PCDH7: variants seen among roughly 807,000 people sequenced by gnomAD.
PCDH7 encodes the protein protocadherin 7.
PCDH7 carries 17 observed loss-of-function variants against 58.9 expected under a neutral mutation model. The ratio of observed to expected loss-of-function variants is 0.29; its 90% CI spans 0.20 to 0.43. PCDH7 has a LOEUF of 0.43. Among genes scored for constraint, PCDH7 ranks in the 20% least tolerant of loss-of-function variants. PCDH7 has a pLI of 1.00. For synonymous variants in PCDH7, 664 were observed against 616.4 expected (o/e 1.08, Z -1.14); for missense variants, 1,274 against 1,441.0 (o/e 0.88, Z 1.88).
At chr4:30,815,305 G>T (rs188426149) in intron 1 of PCDH7, among the ~76,000 whole-genome samples, 8 of 152,154 alleles carry the variant, frequency 5.3e-5, no homozygotes, top group Admixed American at 4.6e-4. Context: ...GGCAGAAATA[G>T]ATTTAAGGCA....
At chr4:31,136,167 C>G (rs1389145439) in intron 3 of PCDH7, among the ~76,000 whole-genome samples, 3 of 152,202 alleles carry the variant, frequency 2.0e-5, no homozygotes, top group Non-Finnish European at 4.4e-5. Flanking sequence ...TGGAAGACTT[C>G]AGAGAGGAAA....
At chr4:30,949,421 C>T (rs1747099227) in intron 2 of PCDH7, among the ~76,000 whole-genome samples, 1 of 152,038 alleles carries the variant, frequency 6.6e-6, no homozygotes. Context: ...AAATAATTTA[C>T]TGCCATCAAC....
chr4:30,849,065 T>C (rs1484415900), intron 1 of PCDH7, among the ~76,000 whole-genome samples: 1 of 152,168 alleles, frequency 6.6e-6, no homozygotes, highest in Non-Finnish European at 1.5e-5. Context: ...CCATTCTAAC[T>C]AAACACATTC....
intron 1 of PCDH7, among the ~76,000 whole-genome samples, chr4:30,875,185 C>A (rs1033327447): frequency 6.6e-6 from 1 of 152,088 alleles, no homozygotes; most frequent in Non-Finnish European, 1.5e-5. Context: ...CAGGAAGGAG[C>A]TGTTCCGAAC....
intron 3 of PCDH7, among the ~76,000 whole-genome samples, chr4:30,976,242 C>A: frequency 6.6e-6 from 1 of 152,024 alleles, no homozygotes; most frequent in East Asian, 1.9e-4. Flanking sequence ...CTAACTCCAC[C>A]CACCACACCT....
At chr4:31,126,513 G>A (rs568310809) in intron 3 of PCDH7, among the ~76,000 whole-genome samples, 1 of 152,128 alleles carries the variant, frequency 6.6e-6, no homozygotes, top group Admixed American at 6.6e-5. Flanking sequence ...TACTACAATA[G>A]TGGGACTCAT....
chr4:30,889,278 C>T (rs1738287313), intron 1 of PCDH7, among the ~76,000 whole-genome samples: 2 of 151,624 alleles, frequency 1.3e-5, no homozygotes, highest in South Asian at 4.2e-4. Flanking sequence ...TAACTGCAGG[C>T]AGTTAACTAT....
At chr4:30,835,363 G>A (rs2109333973) in intron 1 of PCDH7, among the ~76,000 whole-genome samples, 1 of 152,256 alleles carries the variant, frequency 6.6e-6, no homozygotes, top group Non-Finnish European at 1.5e-5. Context: ...TCACAGGAGT[G>A]TGAAACCTAT....
rs1283186218 is a variant in PCDH7, at chr4:30,722,302, C to A, written c.880C>A (p.Leu294Ile). ...CCCGCCTCGCTCCTCGCAGGCCATC[C>A]TACGGGTCCTCATCACCGACGTGAA... The change falls in exon 1 of 2, where the codon CTA becomes ATA. Residue 294 changes from leucine (L) to isoleucine (I), a missense_variant. Leu to Ile is a conservative substitution (Grantham distance 5). This residue lies in a region of PCDH7 where 331 missense variants were observed against 303.2 expected (regional missense o/e 1.09). Coordinates refer to ENST00000361762, the Ensembl canonical transcript of PCDH7. The surrounding 1 kb of genome is among the most constrained non-coding windows in gnomAD (Gnocchi z 7.6). 6.2e-6 allele frequency: 10 copies of A among 1,607,844 alleles called. No homozygotes were observed. Among genetic ancestry groups the A allele is most frequent in the Non-Finnish European group, 8.5e-6 (10 of 1,178,062 alleles).
intron 3 of PCDH7, among the ~76,000 whole-genome samples, chr4:31,004,321 A>C (rs1169319810): frequency 6.6e-6 from 1 of 152,206 alleles, no homozygotes. Flanking sequence ...CCATACACAC[A>C]TGATAGCTCA....
intron 1 of PCDH7, among the ~76,000 whole-genome samples, chr4:30,916,453 T>C (rs751394308): frequency 1.3e-5 from 2 of 152,222 alleles, no homozygotes; most frequent in Non-Finnish European, 2.9e-5. Flanking sequence ...ATAATTTTCT[T>C]TAAGATCTCT....
downstream of PCDH7, among the ~76,000 whole-genome samples, chr4:30,736,745 C>T (rs1377795116): frequency 2.0e-5 from 3 of 151,828 alleles, no homozygotes; most frequent in Non-Finnish European, 2.9e-5. Context: ...ACCGTGTCAG[C>T]CAGGATGGTC....
intron 3 of PCDH7, among the ~76,000 whole-genome samples, chr4:31,108,708 A>G (rs551436211): frequency 6.6e-6 from 1 of 152,330 alleles, no homozygotes; most frequent in Non-Finnish European, 1.5e-5. Context: ...CATTGTAGAT[A>G]CATAACATAT....
chr4:30,811,979 T>G (rs1727084114), intron 1 of PCDH7, among the ~76,000 whole-genome samples: 1 of 152,194 alleles, frequency 6.6e-6, no homozygotes, highest in South Asian at 2.1e-4. Flanking sequence ...AATTCAGACA[T>G]GCACAAGACG....
rs541589794 is a variant in PCDH7, at chr4:30,823,880, A to G, written c.71-96273A>G. ...CTCTAATTTTAGGGTTATCATTTAC[A>G]TTTCACTCCAAAAGTGCTTTTCTTG... On this transcript the variant is annotated intron_variant, in intron 1 of 3. Transcript: ENST00000509759. 5.3e-5 allele frequency among the ~76,000 whole-genome samples: 8 copies of G among 152,210 alleles called. No individual in the cohort carries two copies. The South Asian group carries it at 1.7e-3, about 32-fold the overall frequency.
chr4:31,027,846 G>C (rs1212130348), intron 3 of PCDH7, among the ~76,000 whole-genome samples: 1 of 152,144 alleles, frequency 6.6e-6, no homozygotes, highest in African/African-American at 2.4e-5. Context: ...ATTACTGTGT[G>C]TAACATTTCC....
intron 3 of PCDH7, among the ~76,000 whole-genome samples, chr4:31,071,153 G>C (rs1037670278): frequency 6.6e-6 from 1 of 151,932 alleles, no homozygotes; most frequent in African/African-American, 2.4e-5. Context: ...CTCATTCACA[G>C]GTAGAATAGT....
At chr4:30,935,547 A>G (rs770120249) in intron 2 of PCDH7, among the ~76,000 whole-genome samples, 8 of 152,166 alleles carry the variant, frequency 5.3e-5, no homozygotes, top group Non-Finnish European at 1.2e-4. Flanking sequence ...AAACCTGCAT[A>G]TATTTTCCTG....
At chr4:30,843,971 G>A (rs926551379) in intron 1 of PCDH7, among the ~76,000 whole-genome samples, 10 of 152,020 alleles carry the variant, frequency 6.6e-5, no homozygotes, top group African/African-American at 2.4e-4. Flanking sequence ...GTAACAAGGA[G>A]CAAATGTCAT....
Sources: allele counts gnomAD v4.1 joint callset (sites outside exome capture counted in the v4.1 genomes callset), GRCh38; gene constraint gnomAD v4.1.1; regional missense constraint gnomAD v4.1.1; non-coding constraint Gnocchi (gnomAD v3.1); transcripts MANE v1.5; gene names NCBI Gene and HGNC (gene_info 2026-07-23, HGNC 2026-07-21).